The following IVNS1ABP variants were observed in gnomAD, a reference collection of about 807,000 sequenced individuals.
IVNS1ABP encodes influenza virus NS1A binding protein.
Under a neutral mutation model 78.9 loss-of-function variants are expected in IVNS1ABP, and 25 were observed. The ratio of observed to expected loss-of-function variants is 0.32; its 90% CI spans 0.23 to 0.44. The LOEUF (loss-of-function observed/expected upper bound fraction) is 0.44. IVNS1ABP is among the 20% of genes least tolerant of loss of function. IVNS1ABP has a pLI of 1.00. For missense variants in IVNS1ABP, 494 were observed against 768.9 expected, an observed-to-expected ratio of 0.64 and a Z score of 4.23; for synonymous variants, 241 against 259.7, an observed-to-expected ratio of 0.93 and a Z score of 0.69.
rs563145265 is a variant in IVNS1ABP, at chr1:185,301,225, A to T, written c.896-29T>A. The T allele has an allele frequency of 5.5e-5, 87 of 1,576,954 alleles. 3 individuals carry two copies. In the South Asian group the frequency reaches 9.5e-4, roughly 17 times the overall value. On this transcript the variant is annotated intron_variant, in intron 9 of 14. Coordinates refer to ENST00000367498, the MANE Select transcript of IVNS1ABP (RefSeq NM_006469.5). ...TAAGCACAAGAGTTCCATGTTTAAG[A>T]TGTAATTATTACTTTTGGTTTGTGT...
intron 1 of IVNS1ABP, among the ~76,000 whole-genome samples, chr1:185,314,714 A>G (rs997172766): frequency 1.3e-4 from 20 of 152,338 alleles, no homozygotes; most frequent in African/African-American, 2.2e-4. Flanking sequence ...TGCTCCTTTA[A>G]GGCAGTGAGG....
chr1:185,307,165 G>A (rs780673112), intron 6 of IVNS1ABP, 26 bp from the exon 7 acceptor site: 10 of 1,611,970 alleles, frequency 6.2e-6, no homozygotes, highest in South Asian at 1.1e-5. Flanking sequence ...ACAATGACAT[G>A]GATCAGTGTT....
intron 2 of IVNS1ABP, among the ~76,000 whole-genome samples, chr1:185,310,223 TATATAA>T (rs920631654): frequency 1.3e-5 from 2 of 152,224 alleles, no homozygotes; most frequent in Non-Finnish European, 1.5e-5. Context: ...CTCATCAGAT[TATATAA>T]ATATAAATGG....
chr1:185,316,523 G>A (rs1666035513), intron 1 of IVNS1ABP, among the ~76,000 whole-genome samples: 1 of 152,180 alleles, frequency 6.6e-6, no homozygotes, highest in South Asian at 2.1e-4. Context: ...AACCCGAGGC[G>A]AGGCGTCCGT....
At chr1:185,300,157 T>C (rs922864608) in intron 12 of IVNS1ABP, 27 bp from the exon 13 acceptor site, 14 of 1,605,066 alleles carry the variant, frequency 8.7e-6, no homozygotes, top group Non-Finnish European at 1.0e-5. Flanking sequence ...TAAAGTTACA[T>C]ATTGATAATT....
At chr1:185,303,783 A>G (rs1241604160) in intron 8 of IVNS1ABP, among the ~76,000 whole-genome samples, 1 of 152,148 alleles carries the variant, frequency 6.6e-6, no homozygotes, top group Non-Finnish European at 1.5e-5. Context: ...TTATAAAAAT[A>G]GGAAGGGTCC....
Position 185,301,506 on chromosome 1 carries a change from G to A in IVNS1ABP, c.823C>T (p.Leu275Phe). 1 of 1,613,178 alleles carries A rather than the reference G, an allele frequency of 6.2e-7. No homozygotes were observed. The highest frequency in any genetic ancestry group is 2.2e-5 in the East Asian group (1 of 44,848). ...TGTACTGTAGCATTTGGAGAAGAGAGACATCCAGTTGAACTGCTACTTATC... is the reference window on the plus strand; with the variant it reads ...TGTACTGTAGCATTTGGAGAAGAGAAACATCCAGTTGAACTGCTACTTATC... Reference protein sequence around the residue: ...KQISSSSTGCLSSPNATVQSP... With the variant: ...KQISSSSTGCFSSPNATVQSP... Residue 275 changes from leucine (L) to phenylalanine (F), a missense_variant, in exon 9 of 15, where the codon CTC becomes TTC. Leu to Phe is a conservative substitution (Grantham distance 22). Coordinates refer to ENST00000367498, the MANE Select transcript of IVNS1ABP (RefSeq NM_006469.5).
At chr1:185,303,191 ATAAT>A (rs1200146801) in intron 8 of IVNS1ABP, among the ~76,000 whole-genome samples, 2 of 152,134 alleles carry the variant, frequency 1.3e-5, no homozygotes, top group Non-Finnish European at 2.9e-5. Flanking sequence ...TGTACAAACT[ATAAT>A]TAAGAGAAAA....
chr1:185,300,282 A>T lies in IVNS1ABP; in HGVS notation c.1304T>A (p.Met435Lys). 1 of 1,613,468 alleles carries T rather than the reference A, an allele frequency of 6.2e-7. No homozygotes were observed. Among genetic ancestry groups the T allele is most frequent in the African/African-American group, 1.3e-5 (1 of 75,020 alleles). Reference protein sequence around the residue: ...GHSDDLSCGEMYDSNIDDWIP... With the variant: ...GHSDDLSCGEKYDSNIDDWIP... ...CCAGTCATCTATGTTTGAATCATAC[A>T]TCTCTCCACAACTCAGGTCATCTGA... The change falls in exon 12 of 15, where the codon ATG (methionine) becomes AAG (lysine). Residue 435 changes from methionine (M) to lysine (K), a missense_variant. Coordinates refer to ENST00000367498, the MANE Select transcript of IVNS1ABP (RefSeq NM_006469.5).
At chr1:185,311,822 A>G (rs1052866699) in intron 1 of IVNS1ABP, among the ~76,000 whole-genome samples, 1 of 151,922 alleles carries the variant, frequency 6.6e-6, no homozygotes, top group African/African-American at 2.4e-5. Flanking sequence ...CCTTAACCCA[A>G]CCTCTGCCAG....
chr1:185,308,886 A>C lies in IVNS1ABP; in HGVS notation c.282-11T>G. 6.2e-7 allele frequency: 1 copy of C among 1,600,084 alleles called. No homozygotes were observed. Among genetic ancestry groups the C allele is most frequent in the Non-Finnish European group, 8.5e-7 (1 of 1,174,914 alleles). ...TTATCTGCTTTCAACCTATTTAAAA[A>C]AAAAGTTACTTATGATACCAAAGCC... On this transcript the variant is annotated splice_polypyrimidine_tract_variant and intron_variant, in intron 4 of 14. Coordinates refer to ENST00000367498, the MANE Select transcript of IVNS1ABP (RefSeq NM_006469.5).
intron 8 of IVNS1ABP, among the ~76,000 whole-genome samples, chr1:185,302,883 A>G (rs1665637862): frequency 6.6e-6 from 1 of 152,120 alleles, no homozygotes. Flanking sequence ...ATTAGGAATT[A>G]TGAAGATAAA....
At chr1:185,308,304 A>C (rs1665792443) in intron 5 of IVNS1ABP, among the ~76,000 whole-genome samples, 1 of 152,200 alleles carries the variant, frequency 6.6e-6, no homozygotes, top group South Asian at 2.1e-4. Context: ...ATGTAAATGA[A>C]CACACATGGC....
intron 5 of IVNS1ABP, chr1:185,307,878 C>T (rs896630598): frequency 6.8e-7 from 1 of 1,468,224 alleles, no homozygotes; most frequent in African/African-American, 1.4e-5. Flanking sequence ...AGAGGTACAA[C>T]AAATTGAAAT....
intron 10 of IVNS1ABP, 122 bp from the exon 11 acceptor site, chr1:185,300,680 C>A (rs1351256711): frequency 9.7e-7 from 1 of 1,031,140 alleles, no homozygotes; most frequent in East Asian, 2.5e-5. Flanking sequence ...TTTAAGGATG[C>A]CTTAGTTGAT....
chr1:185,307,975 G>A (rs1408181122), intron 5 of IVNS1ABP: 1 of 1,549,956 alleles, frequency 6.5e-7, no homozygotes, highest in Non-Finnish European at 8.7e-7. Flanking sequence ...CTCTACAGGA[G>A]AGATGATGTT....
chr1:185,313,775 A>C (rs1398195054), intron 1 of IVNS1ABP, among the ~76,000 whole-genome samples: 2 of 151,178 alleles, frequency 1.3e-5, no homozygotes, highest in Non-Finnish European at 3.0e-5. Flanking sequence ...CTTTCAACTA[A>C]ATCTACACCT....
chr1:185,299,523 A>G (rs1485179620), intron 14 of IVNS1ABP, 187 bp downstream of exon 14: 4 of 626,076 alleles, frequency 6.4e-6, no homozygotes, highest in Non-Finnish European at 1.1e-5. Flanking sequence ...TATATCAAGT[A>G]TTATAAGTCT....
At chr1:185,308,944 A>T in intron 4 of IVNS1ABP, 59 bp downstream of exon 4, 2 of 1,581,370 alleles carry the variant, frequency 1.3e-6, no homozygotes, top group South Asian at 1.1e-5. Flanking sequence ...ATATGTAGCA[A>T]GACTTGGAAT....
Sources: allele counts gnomAD v4.1 joint callset (sites outside exome capture counted in the v4.1 genomes callset), GRCh38; gene constraint gnomAD v4.1.1; transcripts MANE v1.5; gene names NCBI Gene and HGNC (gene_info 2026-07-23, HGNC 2026-07-21).